The following BBS9 variants were observed in gnomAD, a reference collection of about 807,000 sequenced individuals.
BBS9 encodes protein PTHB1.
Under a neutral mutation model 117.7 loss-of-function variants are expected in BBS9, and 89 were observed. The ratio of observed to expected loss-of-function variants is 0.76; its 90% CI spans 0.64 to 0.90. BBS9 has a LOEUF of 0.90. BBS9 is among the 40% of genes least tolerant of loss of function. The probability of loss-of-function intolerance (pLI) is 0.00; values close to 1 mark genes in which losing one functional copy is unlikely to be tolerated. For missense variants in BBS9, 982 were observed against 1,042.2 expected (o/e 0.94, Z 0.80); for synonymous variants, 379 against 370.9 (o/e 1.02, Z -0.25).
At chr7:33,600,385 A>T (rs1251831060) in intron 21 of BBS9, among the ~76,000 whole-genome samples, 1 of 133,326 alleles carries the variant, frequency 7.5e-6, no homozygotes, top group African/African-American at 3.5e-5. Context: ...ATAGATTGGA[A>T]ATTTGAAAAG....
At chr7:33,150,955 A>G (rs1793215590) in intron 2 of BBS9, among the ~76,000 whole-genome samples, 1 of 152,200 alleles carries the variant, frequency 6.6e-6, no homozygotes. Flanking sequence ...TTGTCCCCAC[A>G]AGGAATCTTA....
intron 19 of BBS9, among the ~76,000 whole-genome samples, chr7:33,462,485 G>A (rs968956968): frequency 6.6e-6 from 1 of 152,060 alleles, no homozygotes; most frequent in African/African-American, 2.4e-5. Context: ...ATGAATGGCT[G>A]CATATTTCTG....
chr7:33,317,078 C>T (rs1276264971), intron 9 of BBS9, among the ~76,000 whole-genome samples: 1 of 152,080 alleles, frequency 6.6e-6, no homozygotes, highest in Non-Finnish European at 1.5e-5. Flanking sequence ...AAATGGATAT[C>T]CAATTGCTCC....
intron 21 of BBS9, among the ~76,000 whole-genome samples, chr7:33,615,897 G>A (rs1319741708): frequency 1.3e-5 from 2 of 151,974 alleles, no homozygotes; most frequent in African/African-American, 4.8e-5. Context: ...GTGGAGTAAA[G>A]TATTTAGTGC....
At chr7:33,220,470 T>C (rs1396891890) in intron 5 of BBS9, among the ~76,000 whole-genome samples, 1 of 152,256 alleles carries the variant, frequency 6.6e-6, no homozygotes, top group Non-Finnish European at 1.5e-5. Flanking sequence ...TGCTGTGTCC[T>C]ATTGTGGTCA....
At chr7:33,315,419 G>A (rs971079873) in intron 9 of BBS9, among the ~76,000 whole-genome samples, 11 of 152,078 alleles carry the variant, frequency 7.2e-5, no homozygotes, top group South Asian at 6.3e-4. Context: ...GTCTTAATTC[G>A]GAATGATCTC....
chr7:33,257,135 A>G (rs188223164), intron 5 of BBS9, 101 bp from the exon 6 acceptor site: 7 of 767,568 alleles, frequency 9.1e-6, no homozygotes, highest in Non-Finnish European at 1.4e-5. Flanking sequence ...TGATTTATGT[A>G]AAATTGGTGC....
At chr7:33,390,067 T>TTTTTG (rs1170526444) in intron 19 of BBS9, among the ~76,000 whole-genome samples, 1 of 152,174 alleles carries the variant, frequency 6.6e-6, no homozygotes, top group Non-Finnish European at 1.5e-5. Context: ...TTTAGTACTC[T>TTTTTG]TTTTGTTTTG....
chr7:33,157,459 C>G (rs932436141), intron 4 of BBS9, among the ~76,000 whole-genome samples: 2 of 152,204 alleles, frequency 1.3e-5, no homozygotes, highest in African/African-American at 4.8e-5. Context: ...CCCCACCTCA[C>G]TTCCCTTCTG....
chr7:33,154,794 T>G (rs1793865156), intron 3 of BBS9, among the ~76,000 whole-genome samples: 1 of 152,180 alleles, frequency 6.6e-6, no homozygotes, highest in African/African-American at 2.4e-5. Context: ...TATTTTAAAT[T>G]TAAAAGAGCT....
rs1211437677 is a variant in BBS9 at position 33,505,511 on chromosome 7, C to T, written c.2164C>T (p.Gln722Ter). The change falls in exon 20 of 23, where the codon CAG (glutamine) becomes TAG (stop). Residue 722 changes from glutamine (Q) to a stop codon, truncating the protein, a stop_gained. Transcript: ENST00000242067. LOFTEE classifies it high-confidence loss of function. The stretch of plus-strand genomic sequence containing the variant: ...GGAGGAAAACCAAGGCAATCTGTTC[C>T]AGTCATTCACCAGGCTGAAGAGTGC... ...AVEENQGNLF[Q>*]SFTRLKSATH... The T allele has an allele frequency of 6.2e-7, 1 of 1,614,150 alleles. No homozygotes were observed. The highest frequency in any genetic ancestry group is 1.1e-5 in the South Asian group (1 of 91,086).
At chr7:33,624,471 G>A (rs1415822310) in intron 21 of BBS9, among the ~76,000 whole-genome samples, 1 of 152,086 alleles carries the variant, frequency 6.6e-6, no homozygotes, top group Non-Finnish European at 1.5e-5. Flanking sequence ...CATTCTGTTT[G>A]GCAGTACTGT....
In BBS9 at chr7:33,254,271, C is replaced by A. The variant is rs1314449637; in HGVS notation, c.443-2965C>A. On this transcript the variant is annotated intron_variant, in intron 5 of 22. Coordinates refer to ENST00000242067, the MANE Select transcript of BBS9 (RefSeq NM_198428.3). ...GCTAGGGAAGCAGGTAATAATAACC[C>A]TCTTAATAATGCTATAATTTATTCT... Among the ~76,000 whole-genome samples the A allele has an allele frequency of 2.0e-5, 3 of 152,082 alleles. No individual in the cohort carries two copies. In the East Asian group the frequency reaches 5.8e-4, roughly 29 times the overall value.
At chr7:33,534,703 C>T (rs1433945339) in intron 21 of BBS9, among the ~76,000 whole-genome samples, 1 of 152,154 alleles carries the variant, frequency 6.6e-6, no homozygotes, top group Non-Finnish European at 1.5e-5. Flanking sequence ...AGAGATTCCA[C>T]TTGCCCCTCC....
chr7:33,206,359 T>G (rs1403780736), intron 5 of BBS9, among the ~76,000 whole-genome samples: 1 of 152,232 alleles, frequency 6.6e-6, no homozygotes, highest in Non-Finnish European at 1.5e-5. Flanking sequence ...TTATAGCAGC[T>G]TGGCCTTTTC....
At chr7:33,482,634 GAGTT>G (rs1842647344) in intron 19 of BBS9, among the ~76,000 whole-genome samples, 1 of 152,146 alleles carries the variant, frequency 6.6e-6, no homozygotes, top group Non-Finnish European at 1.5e-5. Flanking sequence ...TTCAATTTAA[GAGTT>G]AGCCTTAAAT....
chr7:33,583,537 A>G (rs1008839068), intron 21 of BBS9, among the ~76,000 whole-genome samples: 7 of 152,080 alleles, frequency 4.6e-5, no homozygotes, highest in African/African-American at 1.4e-4. Context: ...GTACTTAATT[A>G]TGGGAGATAC....
At chr7:33,346,181 C>T (rs1327195043) in intron 12 of BBS9, 1 of 440,290 alleles carries the variant, frequency 2.3e-6, no homozygotes, top group African/African-American at 2.1e-5. Context: ...AGTTTCTATA[C>T]AAATTTCTAC....
At chr7:33,257,168 A>T in intron 5 of BBS9, 68 bp from the exon 6 acceptor site, 1 of 1,092,704 alleles carries the variant, frequency 9.2e-7, no homozygotes, top group Non-Finnish European at 1.3e-6. Context: ...TGTTGTAGAT[A>T]GTGATTAATA....
Sources: gnomAD v4.1 joint callset for allele counts (sites outside exome capture counted in the v4.1 genomes callset) on GRCh38, gnomAD v4.1.1 for gene constraint, MANE v1.5 for transcripts, NCBI Gene and HGNC (gene_info 2026-07-23, HGNC 2026-07-21) for gene names.